DIP2C: variants seen among roughly 807,000 people sequenced by gnomAD.
The protein encoded by DIP2C is DIP2 acetate--CoA ligase C (putative).
DIP2C carries 33 observed loss-of-function variants against 192.4 expected under a neutral mutation model. That is an observed-to-expected ratio of 0.17 (90% CI 0.13 to 0.23). The LOEUF is 0.23. Among genes scored for constraint, DIP2C ranks in the 10% least tolerant of loss-of-function variants. The pLI is 1.00. For missense variants in DIP2C, 1,537 were observed against 2,110.1 expected (o/e 0.73, Z 5.32); for synonymous variants, 979 against 864.1 (o/e 1.13, Z -2.33).
At chr10:675,297 A>C (rs1198918258) in intron 1 of DIP2C, among the ~76,000 whole-genome samples, 2 of 152,202 alleles carry the variant, frequency 1.3e-5, no homozygotes, top group South Asian at 4.1e-4. Flanking sequence ...AAGCAGTATT[A>C]AGAGGAAAGT....
chr10:345,238 G>C (rs561000625), intron 26 of DIP2C, 128 bp from the exon 27 acceptor site: 29 of 929,888 alleles, frequency 3.1e-5, no homozygotes, highest in South Asian at 3.0e-4. Flanking sequence ...TGAGGTTACC[G>C]AGCCCTCCTG....
chr10:423,549 T>C (rs970162336), intron 4 of DIP2C, among the ~76,000 whole-genome samples: 3 of 152,172 alleles, frequency 2.0e-5, no homozygotes, highest in East Asian at 1.9e-4. Context: ...CCCATGCAGC[T>C]GATTTATTTC....
chr10:292,284 C>T (rs891230491), intron 32 of DIP2C, among the ~76,000 whole-genome samples: 1 of 152,232 alleles, frequency 6.6e-6, no homozygotes, highest in Non-Finnish European at 1.5e-5. Flanking sequence ...AAACAGTGCA[C>T]CTACTTTCAC....
intron 10 of DIP2C, 84 bp downstream of exon 10, chr10:399,025 A>G: frequency 1.7e-6 from 2 of 1,197,246 alleles, no homozygotes; most frequent in Non-Finnish European, 2.4e-6. Context: ...AGAAACAGCG[A>G]GGAGACCCTC....
chr10:302,622 TAC>T (rs1409564406), intron 32 of DIP2C, among the ~76,000 whole-genome samples: 1 of 152,190 alleles, frequency 6.6e-6, no homozygotes, highest in Non-Finnish European at 1.5e-5. Flanking sequence ...AGAGTGGACC[TAC>T]ACACACTGGG....
chr10:526,735 A>AT (rs376637294), intron 1 of DIP2C, among the ~76,000 whole-genome samples: 1 of 152,196 alleles, frequency 6.6e-6, no homozygotes, highest in Non-Finnish European at 1.5e-5. Flanking sequence ...TCCGGAAGGC[A>AT]TTTGTGTCAT....
At chr10:582,683 G>A (rs187646270) in intron 1 of DIP2C, among the ~76,000 whole-genome samples, 65 of 152,334 alleles carry the variant, frequency 4.3e-4, no homozygotes, top group Admixed American at 3.3e-3. Context: ...TTTCTATCAG[G>A]AAGAAAAGCG....
chr10:299,133 C>T (rs1955895575), intron 32 of DIP2C, among the ~76,000 whole-genome samples: 1 of 152,204 alleles, frequency 6.6e-6, no homozygotes, highest in Non-Finnish European at 1.5e-5. Flanking sequence ...ACTGCCCACC[C>T]CATCTTACAC....
At chr10:579,293 T>C (rs1416882956) in intron 1 of DIP2C, among the ~76,000 whole-genome samples, 1 of 151,412 alleles carries the variant, frequency 6.6e-6, no homozygotes, top group Non-Finnish European at 1.5e-5. Context: ...CAGATTCATG[T>C]AGTGTACACA....
intron 1 of DIP2C, among the ~76,000 whole-genome samples, chr10:595,463 G>A (rs780194178): frequency 6.6e-6 from 1 of 152,118 alleles, no homozygotes; most frequent in African/African-American, 2.4e-5. Context: ...TCCAGACTGT[G>A]GCTTTGTCCC....
chr10:554,988 C>G (rs987313417), intron 1 of DIP2C, among the ~76,000 whole-genome samples: 1 of 152,058 alleles, frequency 6.6e-6, no homozygotes, highest in East Asian at 1.9e-4. Flanking sequence ...TGGAGTCTCA[C>G]AGTACAGAAA....
intron 4 of DIP2C, among the ~76,000 whole-genome samples, chr10:436,692 G>A (rs575052426): frequency 4.1e-5 from 6 of 145,798 alleles, no homozygotes; most frequent in Admixed American, 4.1e-4. Flanking sequence ...TCCTGGACAT[G>A]GTAGGGTGGC....
At chr10:358,441 T>C (rs1959174958) in intron 22 of DIP2C, among the ~76,000 whole-genome samples, 1 of 147,390 alleles carries the variant, frequency 6.8e-6, no homozygotes, top group African/African-American at 2.5e-5. Flanking sequence ...CGGGACAGGA[T>C]AGAGTCGCTT....
At chr10:352,809 G>A in intron 24 of DIP2C, among the ~76,000 whole-genome samples, 1 of 152,080 alleles carries the variant, frequency 6.6e-6, no homozygotes, top group Non-Finnish European at 1.5e-5. Context: ...GGTTGAACGG[G>A]ACACAGCTAC....
intron 13 of DIP2C, among the ~76,000 whole-genome samples, chr10:388,953 G>C (rs1170562489): frequency 6.6e-6 from 1 of 150,736 alleles, no homozygotes; most frequent in Non-Finnish European, 1.5e-5. Context: ...AGGGACATGG[G>C]GGGGTTCTCT....
chr10:591,013 C>G (rs1851369942), intron 1 of DIP2C, among the ~76,000 whole-genome samples: 1 of 152,146 alleles, frequency 6.6e-6, no homozygotes, highest in African/African-American at 2.4e-5. Flanking sequence ...GACCATTTCC[C>G]TTGTCAAGAT....
chr10:456,283 C>A (rs570836205), intron 3 of DIP2C, among the ~76,000 whole-genome samples: 1 of 115,774 alleles, frequency 8.6e-6, no homozygotes, highest in Admixed American at 8.1e-5. Context: ...TGAGTCCCTG[C>A]CTGAGGGGAG....
intron 32 of DIP2C, among the ~76,000 whole-genome samples, chr10:305,648 G>C (rs1956282226): frequency 6.6e-6 from 1 of 152,138 alleles, no homozygotes; most frequent in African/African-American, 2.4e-5. Context: ...TGCTAAAACT[G>C]TTCCTTTTTC....
intron 3 of DIP2C, among the ~76,000 whole-genome samples, chr10:443,781 C>A (rs1019707089): frequency 6.6e-6 from 1 of 152,204 alleles, no homozygotes; most frequent in Non-Finnish European, 1.5e-5. Context: ...TTGCTTAAGC[C>A]TGGAGATACA....
Sources: gnomAD v4.1 joint callset for allele counts (sites outside exome capture counted in the v4.1 genomes callset) on GRCh38, gnomAD v4.1.1 for gene constraint, MANE v1.5 for transcripts, NCBI Gene and HGNC (gene_info 2026-07-23, HGNC 2026-07-21) for gene names.